Variants in CPSF6 observed in about 807,000 individuals in gnomAD.
CPSF6 encodes the protein cleavage and polyadenylation specific factor 6, also known as cleavage and polyadenylation specificity factor subunit 6.
CPSF6 carries 10 observed loss-of-function variants against 56.7 expected under a neutral mutation model. The observed-to-expected ratio is 0.18, with a 90% confidence interval of 0.11 to 0.30. CPSF6 has a LOEUF of 0.30. CPSF6 is among the 10% of genes least tolerant of loss of function. The pLI, the probability that CPSF6 is intolerant of heterozygous loss-of-function variation, is 1.00. For missense variants in CPSF6, 419 were observed against 722.9 expected, an observed-to-expected ratio of 0.58 and a Z score of 4.82; for synonymous variants, 248 against 244.8, an observed-to-expected ratio of 1.01 and a Z score of -0.12.
intron 1 of CPSF6, 129 bp downstream of exon 1, chr12:69,239,835 C>A: frequency 1.3e-6 from 1 of 768,332 alleles, no homozygotes; most frequent in Non-Finnish European, 1.8e-6. Flanking sequence ...CTGGGCCGCG[C>A]CGCCGACCCC....
chr12:69,272,132 C>G lies in CPSF6; in HGVS notation c.*2624C>G, dbSNP rs1873273124. On this transcript the variant is annotated 3_prime_UTR_variant, in exon 10 of 10. Coordinates refer to ENST00000435070, the MANE Select transcript of CPSF6 (RefSeq NM_007007.3). ...GGAACTATGTTGTGGAAAGCATATT[C>G]CAGTGTAAATTTGCAGATGTGTGTT... 6.8e-6 allele frequency: 1 copy of G among 147,372 alleles called. No homozygotes were observed. Among genetic ancestry groups the G allele is most frequent in the African/African-American group, 2.5e-5 (1 of 40,662 alleles). The allele number at this position is 147,372 out of a possible 1,614,324, so 9.1% of individuals were successfully genotyped here. A position where few individuals can be genotyped will look rare whatever the true frequency, so the allele number is the denominator to read the frequency against.
In CPSF6 at chr12:69,269,630, A is replaced by AAC. The variant is rs1348282740; in HGVS notation, c.*124_*125dup. ...CCTGTAAGGATTCATGGATAAAATG[A>AAC]ACAGGAATAGATCTGAATAAAGCAA... On this transcript the variant is annotated 3_prime_UTR_variant, in exon 10 of 10. Coordinates refer to ENST00000435070, the MANE Select transcript of CPSF6 (RefSeq NM_007007.3). 2.5e-6 allele frequency: 1 copy of AAC among 399,704 alleles called. No individual in the cohort carries two copies. The highest frequency in any genetic ancestry group is 8.1e-5 in the East Asian group (1 of 12,356). 24.8% of individuals were successfully genotyped at this position (399,704 alleles called of 1,614,324 possible). A position where few individuals can be genotyped will look rare whatever the true frequency, so the allele number is the denominator to read the frequency against.
intron 2 of CPSF6, 128 bp downstream of exon 2, chr12:69,251,466 C>A: frequency 1.7e-6 from 1 of 572,538 alleles, no homozygotes; most frequent in Non-Finnish European, 2.9e-6. Flanking sequence ...TTTGCTTGTC[C>A]AATGAGGAGG....
In CPSF6 at chr12:69,259,021, C is replaced by T; in HGVS notation, c.1126C>T (p.Arg376Ter). The change falls in exon 6 of 10, where the codon CGA becomes TGA. Residue 376 changes from arginine (R) to a stop codon, truncating the protein, a stop_gained. Coordinates refer to ENST00000435070, the MANE Select transcript of CPSF6 (RefSeq NM_007007.3). LOFTEE classifies it high-confidence loss of function. The stretch of plus-strand genomic sequence containing the variant: ...CAGTGGCATGCCTACATCAGATAGC[C>T]GAGGTCCACCACCAACAGATCCATA... ...TNSGMPTSDS[R>*]GPPPTDPYGR... 2 of 1,609,062 alleles carry T rather than the reference C, an allele frequency of 1.2e-6. No homozygotes were observed. Among genetic ancestry groups the T allele is most frequent in the South Asian group, 1.1e-5 (1 of 91,082 alleles).
In CPSF6 at chr12:69,272,303, A is replaced by G. The variant is rs1311724807; in HGVS notation, c.*2795A>G. The G allele has an allele frequency of 6.6e-6, 1 of 151,666 alleles. No homozygotes were observed. The highest frequency in any genetic ancestry group is 1.5e-5 in the Non-Finnish European group (1 of 67,634). The allele number at this position is 151,666 out of a possible 1,614,324, so 9.4% of individuals were successfully genotyped here. ...ATACACAGATAACTTGTAGCTTAAG[A>G]TACTATTTTCATTTAATTCTCCTGT... On this transcript the variant is annotated 3_prime_UTR_variant, in exon 10 of 10. Coordinates refer to ENST00000435070, the MANE Select transcript of CPSF6 (RefSeq NM_007007.3).
chr12:69,251,328 A>G lies in CPSF6; in HGVS notation c.260A>G (p.Asn87Ser). 1 of 1,538,674 alleles carries G rather than the reference A, an allele frequency of 6.5e-7. No individual in the cohort carries two copies. The highest frequency in any genetic ancestry group is 9.0e-7 in the Non-Finnish European group (1 of 1,114,056). The change falls in exon 2 of 10, where the codon AAT becomes AGT. Residue 87 changes from asparagine to serine, a missense_variant. By Grantham distance (46) the Asn-to-Ser change is conservative (BLOSUM62 1). Around this residue, in one of 4 missense-constraint regions of CPSF6, gnomAD observed 125 missense variants for 216.4 expected, o/e 0.58. Transcript: ENST00000435070. ...AAGAGAATTGCATTATATATTGGAA[A>G]TCTAACATGGGTAAGTGAAGTTAAT... ...TGKRIALYIG[N>S]LTWWTTDEDL...
rs1184986986 is a variant in CPSF6 at position 69,266,216 on chromosome 12, T to C, written c.*4-3296T>C. 2.0e-5 allele frequency among the ~76,000 whole-genome samples: 3 copies of C among 152,220 alleles called. No individual in the cohort carries two copies. In the East Asian group the frequency reaches 5.8e-4, roughly 29 times the overall value. On this transcript the variant is annotated intron_variant, in intron 9 of 9. Transcript: ENST00000435070. ...CTTAGGTTATCTGAGGTCTGCGTTA[T>C]AGCTCCCAGCCCTGTTTCCTTGTTT...
rs3051105 is a variant in CPSF6 at position 69,272,869 on chromosome 12, A to AGTGTGTGTGTGT, written c.*3378_*3389dup. On this transcript the variant is annotated 3_prime_UTR_variant, in exon 10 of 10. Coordinates refer to ENST00000435070, the MANE Select transcript of CPSF6 (RefSeq NM_007007.3). ...AAGCATTCTATTTTTCTGTTCTTAC[A>AGTGTGTGTGTGT]GTGTGTGTGTGTGTGTGTGTGTGTG... The AGTGTGTGTGTGT allele has an allele frequency of 8.0e-4, 123 of 154,226 alleles. No individual in the cohort carries two copies. The highest frequency in any genetic ancestry group is 1.3e-3 in the Non-Finnish European group (92 of 70,280). The allele number at this position is 154,226 out of a possible 1,614,324, so 9.6% of individuals were successfully genotyped here. A position where few individuals can be genotyped will look rare whatever the true frequency, so the allele number is the denominator to read the frequency against.
chr12:69,252,890 C>G (rs1262373975), intron 2 of CPSF6, among the ~76,000 whole-genome samples, 161 bp from the exon 3 acceptor site: 1 of 152,094 alleles, frequency 6.6e-6, no homozygotes, highest in Admixed American at 6.5e-5. Flanking sequence ...GGTTTTTGTG[C>G]TGTTTAAAAA....
intron 9 of CPSF6, among the ~76,000 whole-genome samples, chr12:69,265,684 C>G (rs1417139054): frequency 6.7e-6 from 1 of 149,600 alleles, no homozygotes; most frequent in African/African-American, 2.5e-5. Flanking sequence ...CTCACCACAA[C>G]CTTCACCTCC....
Position 69,256,798 on chromosome 12 carries a change from G to C in CPSF6, c.476G>C (p.Cys159Ser). 6.2e-7 allele frequency: 1 copy of C among 1,613,384 alleles called. No individual in the cohort carries two copies. The highest frequency in any genetic ancestry group is 8.5e-7 in the Non-Finnish European group (1 of 1,179,748). The change falls in exon 4 of 10, where the codon TGC becomes TCC. Residue 159 changes from cysteine (C) to serine (S), a missense_variant. Cys to Ser is a moderately radical substitution (Grantham distance 112). Around this residue, in one of 4 missense-constraint regions of CPSF6, gnomAD observed 125 missense variants for 216.4 expected, o/e 0.58. Coordinates refer to ENST00000435070, the MANE Select transcript of CPSF6 (RefSeq NM_007007.3). Reference protein sequence around the residue: ...LHGQNPVVTPCNKQFLSQFEM... With the variant: ...LHGQNPVVTPSNKQFLSQFEM... The stretch of plus-strand genomic sequence containing the variant: ...GGTCAGAATCCTGTTGTAACTCCAT[G>C]CAATAAACAGTTCCTGAGTCAATTT...
At chr12:69,269,238 AGCT>A (rs1873135905) in intron 9 of CPSF6, among the ~76,000 whole-genome samples, 2 of 151,900 alleles carry the variant, frequency 1.3e-5, no homozygotes, top group Non-Finnish European at 3.0e-5. Context: ...CAGAAACAGT[AGCT>A]GCTATGTTTT....
Position 69,239,695 on chromosome 12 carries a change from G to C in CPSF6, c.49G>C (p.Glu17Gln). Reference protein sequence around the residue: ...HIDIYADVGEEFNQEAEYGGH... With the variant: ...HIDIYADVGEQFNQEAEYGGH... ...AGACATTTACGCGGATGTCGGCGAA[G>C]AGTTCAACCAGGTACGTGAGAGCCC... Residue 17 changes from glutamate (E) to glutamine (Q), a missense_variant, in exon 1 of 10, where the codon GAG becomes CAG. This residue lies in a region of CPSF6 where 125 missense variants were observed against 216.4 expected (regional missense o/e 0.58). Coordinates refer to ENST00000435070, the MANE Select transcript of CPSF6 (RefSeq NM_007007.3). The C allele has an allele frequency of 6.3e-7, 1 of 1,590,684 alleles. No homozygotes were observed. Among genetic ancestry groups the C allele is most frequent in the Non-Finnish European group, 8.6e-7 (1 of 1,169,514 alleles).
chr12:69,249,411 C>G (rs574728984), intron 1 of CPSF6, among the ~76,000 whole-genome samples: 13 of 76,796 alleles, frequency 1.7e-4, no homozygotes, highest in Non-Finnish European at 3.3e-4. Flanking sequence ...ATAACAAATG[C>G]TTTTCTCTGG....
intron 9 of CPSF6, among the ~76,000 whole-genome samples, chr12:69,266,212 G>A (rs987158405): frequency 5.3e-5 from 8 of 152,114 alleles, no homozygotes; most frequent in African/African-American, 1.2e-4. Flanking sequence ...TGAGGTCTGC[G>A]TTATAGCTCC....
chr12:69,248,060 A>G (rs1872008414), intron 1 of CPSF6, among the ~76,000 whole-genome samples: 1 of 152,222 alleles, frequency 6.6e-6, no homozygotes. Flanking sequence ...GCTGATCCTA[A>G]ATATTGGTAG....
chr12:69,255,299 G>A (rs974629549), intron 3 of CPSF6: 7 of 152,130 alleles, frequency 4.6e-5, no homozygotes, highest in African/African-American at 1.7e-4. Flanking sequence ...GGACGTCTAG[G>A]TTATTTCCAC....
chr12:69,263,896 C>G (rs1192026487), intron 9 of CPSF6, among the ~76,000 whole-genome samples: 1 of 151,974 alleles, frequency 6.6e-6, no homozygotes, highest in Non-Finnish European at 1.5e-5. Flanking sequence ...AATATCAAAA[C>G]TTTAATTTGT....
rs1872679708 is a variant in CPSF6, at chr12:69,260,024, CCCTTT to C, written c.1316-12_1316-8del. 6.2e-7 allele frequency: 1 copy of C among 1,608,248 alleles called. No individual in the cohort carries two copies. The highest frequency in any genetic ancestry group is 1.3e-5 in the African/African-American group (1 of 74,644). ...AAAACAAAATTTGTTTGACTTCAAA[CCCTTT>C]CCTTTCCCTCACAGGTGATTATGGG... On this transcript the variant is annotated splice_polypyrimidine_tract_variant and intron_variant, in intron 7 of 9. Coordinates refer to ENST00000435070, the MANE Select transcript of CPSF6 (RefSeq NM_007007.3).
Sources: gnomAD v4.1 joint callset for allele counts (sites outside exome capture counted in the v4.1 genomes callset) on GRCh38, gnomAD v4.1.1 for gene constraint, gnomAD v4.1.1 regional missense constraint, MANE v1.5 for transcripts, NCBI Gene and HGNC (gene_info 2026-07-23, HGNC 2026-07-21) for gene names.